ARSD: variants seen among roughly 807,000 people sequenced by gnomAD.
ARSD encodes testis tissue sperm-binding protein Li 39a.
ARSD carries 21 observed loss-of-function variants against 32.6 expected under a neutral mutation model. The observed-to-expected ratio is 0.64, with a 90% CI of 0.46 to 0.93. The LOEUF is 0.93. ARSD is among the 40% of genes least tolerant of loss of function. The pLI is 0.00. For synonymous variants in ARSD, 224 were observed against 237.4 expected, an observed-to-expected ratio of 0.94 and a Z score of 0.52; for missense variants, 454 against 520.9, an observed-to-expected ratio of 0.87 and a Z score of 1.25.
chrX:2,920,515 C>G (rs112103082), intron 4 of ARSD, 86 bp downstream of exon 4: 1 of 1,175,464 alleles, frequency 8.5e-7, no homozygotes, highest in South Asian at 1.8e-5. Flanking sequence ...GGACTACAGG[C>G]GTGCGCCACC....
Position 2,925,163 on chromosome X carries a change from C to A in ARSD, c.194+453G>T, listed in dbSNP as rs189875891. 4.5e-5 allele frequency among the ~76,000 whole-genome samples: 5 copies of A among 112,135 alleles called. No individual in the cohort carries two copies. The East Asian group carries it at 1.4e-3, about 32-fold the overall frequency. On this transcript the variant is annotated intron_variant, in intron 2 of 9. Coordinates refer to ENST00000381154, the MANE Select transcript of ARSD (RefSeq NM_001669.4). ...AGATGAGATCTTTACAGCGGGCAGG[C>A]CTTGCTGCAATGGCCGGTGTCCTTA...
At chrX:2,908,251 C>T in intron 9 of ARSD, among the ~76,000 whole-genome samples, 1 of 108,204 alleles carries the variant, frequency 9.2e-6, no homozygotes, top group Admixed American at 9.7e-5. Context: ...ATCTATCTAT[C>T]ATCTATCTTA....
At chrX:2,913,658 C>A in intron 6 of ARSD, 1 of 992,058 alleles carries the variant, frequency 1.0e-6, no homozygotes, top group Non-Finnish European at 1.3e-6. Context: ...GACCTCTCTG[C>A]ATTGTCCGAA....
chrX:2,915,163 CT>C (rs1178703247), intron 6 of ARSD, among the ~76,000 whole-genome samples: 1 of 109,621 alleles, frequency 9.1e-6, no homozygotes, highest in Non-Finnish European at 1.9e-5. Context: ...TATTCTTTTT[CT>C]TTTTTTTTGA....
chrX:2,917,024 G>T (rs73632961), intron 5 of ARSD, among the ~76,000 whole-genome samples: 2 of 100,828 alleles, frequency 2.0e-5, no homozygotes, highest in Admixed American at 2.3e-4. Context: ...CTTGAGCCCA[G>T]GAATTCAAGA....
chrX:2,909,531 C>T (rs1480035010), intron 8 of ARSD, among the ~76,000 whole-genome samples: 2 of 109,104 alleles, frequency 1.8e-5, no homozygotes, highest in African/African-American at 6.7e-5. Context: ...CACATGGCCA[C>T]ATGGGTAAAG....
In ARSD at chrX:2,907,683, G is replaced by A. The variant is rs760309295; in HGVS notation, c.1421-51C>T. The A allele has an allele frequency of 2.3e-5, 25 of 1,086,384 alleles. No individual in the cohort carries two copies. In the South Asian group the frequency reaches 5.5e-4, roughly 24 times the overall value. The allele number at this position is 1,086,384 out of a possible 1,213,427, so 89.5% of individuals were successfully genotyped here. A position where few individuals can be genotyped will look rare whatever the true frequency, so the allele number is the denominator to read the frequency against. ...GGGTGGCAGAAATCCACGCAGGTGT[G>A]AACGCAGAACGCAGGTGTCGGCCCT... On this transcript the variant is annotated intron_variant, in intron 9 of 9. Transcript: ENST00000381154.
intron 8 of ARSD, 98 bp downstream of exon 8, chrX:2,909,719 C>T (rs2088885161): frequency 1.3e-6 from 1 of 762,653 alleles, no homozygotes; most frequent in African/African-American, 2.4e-5. Context: ...TTTATGTAAC[C>T]AAATACCACC....
chrX:2,926,718 A>T (rs1031182264), intron 1 of ARSD, among the ~76,000 whole-genome samples: 6 of 112,527 alleles, frequency 5.3e-5, no homozygotes, highest in Admixed American at 9.5e-5. Flanking sequence ...TGTGTAGTTC[A>T]TCTGAGCTAA....
chrX:2,911,509 A>G (rs1365955717), intron 6 of ARSD, among the ~76,000 whole-genome samples: 1 of 107,184 alleles, frequency 9.3e-6, no homozygotes, highest in East Asian at 2.9e-4. Context: ...TCTCTACTAA[A>G]AACACAAAAA....
chrX:2,913,346 G>T (rs1046913332), intron 6 of ARSD: 18 of 142,822 alleles, frequency 1.3e-4, no homozygotes, highest in Non-Finnish European at 2.2e-4. Context: ...GGTCTGTGTG[G>T]ATGTTCATGC....
At chrX:2,908,961 CTG>C (rs1349165790) in intron 8 of ARSD, 119 bp from the exon 9 acceptor site, 6 of 1,047,096 alleles carry the variant, frequency 5.7e-6, no homozygotes, top group Non-Finnish European at 3.9e-6. Flanking sequence ...CAGAGATGAG[CTG>C]TCTCTCCAGT....
chrX:2,922,661 C>T (rs1269603627), intron 2 of ARSD, among the ~76,000 whole-genome samples: 1 of 107,170 alleles, frequency 9.3e-6, no homozygotes, highest in Non-Finnish European at 1.9e-5. Context: ...ATGGTAAAAC[C>T]CCGTCTCTAC....
At chrX:2,910,907 A>C in intron 6 of ARSD, 114 bp from the exon 7 acceptor site, 1 of 883,741 alleles carries the variant, frequency 1.1e-6, no homozygotes, top group Non-Finnish European at 1.6e-6. Flanking sequence ...ATAAGAAGAG[A>C]CCACACTTAC....
Position 2,918,019 on chromosome X carries a change from G to A in ARSD, c.648C>T (p.Ala216=), listed in dbSNP as rs113318393. The A allele has an allele frequency of 2.3e-5, 28 of 1,204,697 alleles. No homozygotes were observed. The highest frequency in any genetic ancestry group is 7.0e-5 in the African/African-American group (4 of 57,471). The change falls in exon 5 of 10, where the codon GCC becomes GCT. Residue 216 remains alanine (A), a synonymous_variant. Transcript: ENST00000381154. ...FLALGILTLA[A]GQTCGFFSVS... ...CAGAGAAGAAACCGCAGGTCTGGCCGGCAGCCAGGGTGAGAATCCCCAGCG... is the reference window on the plus strand; with the variant it reads ...CAGAGAAGAAACCGCAGGTCTGGCCAGCAGCCAGGGTGAGAATCCCCAGCG...
intron 1 of ARSD, among the ~76,000 whole-genome samples, chrX:2,927,476 A>G (rs1847214): frequency 0.12 from 13,236 of 109,844 alleles, 1,893 homozygotes; most frequent in African/African-American, 0.4. Context: ...TATTTTTAGT[A>G]GAGACGGGAT....
Position 2,904,875 on chromosome X carries a change from C to A in ARSD, c.*2396G>T. 1 of 234,458 alleles carries A rather than the reference C, an allele frequency of 4.3e-6. No homozygotes were observed. The highest frequency in any genetic ancestry group is 8.0e-6 in the Non-Finnish European group (1 of 125,621). The allele number at this position is 234,458 out of a possible 1,213,427, so 19.3% of individuals were successfully genotyped here. ...GAGATGGCTTTTAGCTGCCTCCACT[C>A]CCCGTGTCCCATGCTCCATAGATGT... is the stretch of plus-strand genomic sequence containing the variant. On this transcript the variant is annotated 3_prime_UTR_variant, in exon 10 of 10. Transcript: ENST00000381154.
intron 6 of ARSD, chrX:2,914,206 T>G (rs1351873524): frequency 1.3e-6 from 1 of 754,377 alleles, no homozygotes; most frequent in Non-Finnish European, 1.6e-6. Context: ...ATGAGAGAAG[T>G]TTTTCTCCCT....
chrX:2,912,441 C>T (rs2088910097), intron 6 of ARSD, among the ~76,000 whole-genome samples: 1 of 111,578 alleles, frequency 9.0e-6, no homozygotes, highest in Admixed American at 9.6e-5. Flanking sequence ...GTATGTCTCC[C>T]TAAATGTATA....
Sources: allele counts gnomAD v4.1 joint callset (sites outside exome capture counted in the v4.1 genomes callset), GRCh38; gene constraint gnomAD v4.1.1; transcripts MANE v1.5; gene names NCBI Gene and HGNC (gene_info 2026-07-23, HGNC 2026-07-21).